Variants in DGKG observed in about 807,000 individuals in gnomAD.
DGKG encodes the protein diacylglycerol kinase gamma.
In DGKG, 78 loss-of-function variants were observed where a neutral mutation model predicts 105.3. The ratio of observed to expected loss-of-function variants is 0.74; its 90% CI spans 0.62 to 0.89. The LOEUF is 0.89. Ranked by LOEUF, DGKG falls within the 40% of genes least tolerant of loss-of-function variation. The probability of loss-of-function intolerance (pLI) is 0.00; values close to 1 mark genes in which losing one functional copy is unlikely to be tolerated. For synonymous variants in DGKG, 346 were observed against 367.1 expected (o/e 0.94, Z 0.66); for missense variants, 958 against 1,020.1 (o/e 0.94, Z 0.83).
At chr3:186,172,242 C>A (rs1286675600) in intron 22 of DGKG, among the ~76,000 whole-genome samples, 2 of 152,178 alleles carry the variant, frequency 1.3e-5, no homozygotes, top group East Asian at 1.9e-4. Flanking sequence ...TTTTGCAATG[C>A]CTTTGGGAAG....
intron 1 of DGKG, among the ~76,000 whole-genome samples, chr3:186,322,093 T>C (rs1313103080): frequency 2.6e-5 from 4 of 152,208 alleles, no homozygotes; most frequent in African/African-American, 9.6e-5. Flanking sequence ...TTTCTGGGTG[T>C]TTCTTGTCAG....
chr3:186,284,180 G>A lies in DGKG; in HGVS notation c.594+480C>T, dbSNP rs894285703. On this transcript the variant is annotated intron_variant, in intron 7 of 24. Coordinates refer to ENST00000265022, the MANE Select transcript of DGKG (RefSeq NM_001346.3). The surrounding 1 kb of genome is among the most constrained non-coding windows in gnomAD (Gnocchi z 4.0). ...AGTAGGAGAGGCAGCCAAGGGTGAC[G>A]GCAAAGCACATCAGCAGTGACCAGC... Among the ~76,000 whole-genome samples, 1 of 152,072 alleles carries A rather than the reference G, an allele frequency of 6.6e-6. No homozygotes were observed. Among genetic ancestry groups the A allele is most frequent in the Admixed American group, 6.5e-5 (1 of 15,268 alleles).
At chr3:186,195,103 T>TA (rs3831854) in intron 21 of DGKG, among the ~76,000 whole-genome samples, 70,732 of 149,736 alleles carry the variant, frequency 0.47, 19,921 homozygotes, top group East Asian at 0.74. Context: ...AGACTCTGTA[T>TA]AAAAAAAAAA....
In DGKG at chr3:186,251,766, A is replaced by G. The variant is rs1721240162; in HGVS notation, c.1754T>C (p.Ile585Thr). ...GATCTTTGACCAACTCACCACACCA[A>G]TGGAGAAATAGTTGTTCATGATGCT... ...PYSIMNNYFS[I>T]GVDASIAHRF... Residue 585 changes from isoleucine to threonine, a missense_variant, in exon 19 of 25, where the codon ATT becomes ACT. By Grantham distance (89) the Ile-to-Thr change is moderately conservative. This residue lies in a region of DGKG where 315 missense variants were observed against 400.6 expected (regional missense o/e 0.79). Coordinates refer to ENST00000265022, the MANE Select transcript of DGKG (RefSeq NM_001346.3). 3 of 1,614,118 alleles carry G rather than the reference A, an allele frequency of 1.9e-6. No homozygotes were observed. The highest frequency in any genetic ancestry group is 2.5e-6 in the Non-Finnish European group (3 of 1,179,976).
At chr3:186,239,520 T>C (rs916226896) in intron 20 of DGKG, among the ~76,000 whole-genome samples, 1 of 152,230 alleles carries the variant, frequency 6.6e-6, no homozygotes, top group Non-Finnish European at 1.5e-5. Context: ...TAAGGAAGCC[T>C]GAAGAAAATG....
At chr3:186,187,993 AACTG>A (rs1271564328) in intron 22 of DGKG, among the ~76,000 whole-genome samples, 5 of 152,218 alleles carry the variant, frequency 3.3e-5, no homozygotes, top group African/African-American at 1.2e-4. Flanking sequence ...ACAGCTTGAC[AACTG>A]ACTGTCATTG....
At chr3:186,302,791 C>T (rs1044661671) in intron 3 of DGKG, among the ~76,000 whole-genome samples, 21 of 151,718 alleles carry the variant, frequency 1.4e-4, no homozygotes, top group African/African-American at 4.1e-4. Flanking sequence ...TCATCAGTGG[C>T]GAGTGCCATA....
chr3:186,313,593 T>A, intron 2 of DGKG: 1 of 882,158 alleles, frequency 1.1e-6, no homozygotes, highest in African/African-American at 1.8e-5. Flanking sequence ...AGCATCAGCA[T>A]CACCTGGGAG....
chr3:186,176,346 G>T lies in DGKG; in HGVS notation c.2096-11328C>A, dbSNP rs1033434758. The stretch of plus-strand genomic sequence containing the variant: ...TGGCATATACAAGGTACATTCCAGA[G>T]ATCTGCACTGGCCAAACTTATCACA... On this transcript the variant is annotated intron_variant, in intron 22 of 24. Coordinates refer to ENST00000265022, the MANE Select transcript of DGKG (RefSeq NM_001346.3). 3.9e-5 allele frequency among the ~76,000 whole-genome samples: 6 copies of T among 152,298 alleles called. No individual in the cohort carries two copies. In the South Asian group the frequency reaches 1.2e-3, roughly 32 times the overall value.
chr3:186,193,840 C>A (rs941086825), intron 21 of DGKG, among the ~76,000 whole-genome samples: 28 of 152,244 alleles, frequency 1.8e-4, no homozygotes, highest in African/African-American at 6.5e-4. Flanking sequence ...TGGCGGTCCC[C>A]GCGCGCACCG....
chr3:186,183,983 C>T (rs187742262), intron 22 of DGKG, among the ~76,000 whole-genome samples: 13 of 152,286 alleles, frequency 8.5e-5, no homozygotes, highest in African/African-American at 1.2e-4. Context: ...GGATTACAGG[C>T]GTGAGCCACC....
At chr3:186,230,555 G>A (rs1195911990) in intron 20 of DGKG, among the ~76,000 whole-genome samples, 1 of 152,128 alleles carries the variant, frequency 6.6e-6, no homozygotes, top group African/African-American at 2.4e-5. Flanking sequence ...ATGCAAGCAT[G>A]GGATGTAACG....
At chr3:186,184,094 A>C (rs1372686548) in intron 22 of DGKG, among the ~76,000 whole-genome samples, 4 of 151,434 alleles carry the variant, frequency 2.6e-5, no homozygotes, top group African/African-American at 4.9e-5. Context: ...TCTCCAACAC[A>C]AAATAGAATT....
rs776096311 is a variant in DGKG at position 186,257,919 on chromosome 3, G to T, written c.1445C>A (p.Thr482Asn). 8.7e-6 allele frequency: 14 copies of T among 1,613,984 alleles called. No homozygotes were observed. Among genetic ancestry groups the T allele is most frequent in the Non-Finnish European group, 1.2e-5 (14 of 1,180,008 alleles). Residue 482 changes from threonine to asparagine, a missense_variant, in exon 17 of 25, where the codon ACT (threonine) becomes AAT (asparagine). Transcript: ENST00000265022. ...ACAGGCCAAAACACGGAAGTCTGGA[G>T]TATCACGGAAAAAGTTCAACCTGGG... ...PTPGLNFFRD[T>N]PDFRVLACGG...
chr3:186,208,005 G>A (rs930819144), intron 21 of DGKG, among the ~76,000 whole-genome samples: 7 of 152,224 alleles, frequency 4.6e-5, no homozygotes, highest in African/African-American at 7.2e-5. Flanking sequence ...CAGAGAAATC[G>A]CCTGTATATC....
rs371816543 is a variant in DGKG, at chr3:186,298,098, C to T, written c.276G>A (p.Thr92=). 11 of 1,613,336 alleles carry T rather than the reference C, an allele frequency of 6.8e-6. No individual in the cohort carries two copies. The highest frequency in any genetic ancestry group is 5.3e-5 in the African/African-American group (4 of 74,916). ...TGGCCTCACTGTTGCTGGCTCCCTC[C>T]GTCGGGTGGTCAGAGGTCTCGTGTC... The part of the protein sequence containing the change: ...KPRHETSDHP[T]EGASNSEANS... Residue 92 remains threonine, a synonymous_variant, in exon 4 of 25, where the codon ACG becomes ACA. Coordinates refer to ENST00000265022, the MANE Select transcript of DGKG (RefSeq NM_001346.3).
intron 22 of DGKG, among the ~76,000 whole-genome samples, chr3:186,184,698 C>T (rs1056242462): frequency 2.0e-5 from 3 of 152,176 alleles, no homozygotes; most frequent in African/African-American, 4.8e-5. Flanking sequence ...CTGCGCCCGG[C>T]CTGATGAGAG....
At chr3:186,167,884 G>A (rs1716627505) in intron 22 of DGKG, among the ~76,000 whole-genome samples, 1 of 152,226 alleles carries the variant, frequency 6.6e-6, no homozygotes, top group African/African-American at 2.4e-5. Context: ...TTCTTGAAGG[G>A]CTCTTAGCCA....
intron 22 of DGKG, among the ~76,000 whole-genome samples, chr3:186,167,792 C>A (rs1214494240): frequency 6.9e-6 from 1 of 143,972 alleles, no homozygotes; most frequent in African/African-American, 2.5e-5. Context: ...CACTCACTCA[C>A]TCACTCACTC....
Sources: gnomAD v4.1 joint callset for allele counts (sites outside exome capture counted in the v4.1 genomes callset) on GRCh38, gnomAD v4.1.1 for gene constraint, gnomAD v4.1.1 regional missense constraint, Gnocchi (gnomAD v3.1) non-coding constraint, MANE v1.5 for transcripts, NCBI Gene and HGNC (gene_info 2026-07-23, HGNC 2026-07-21) for gene names.